The following DOT1L variants were observed in gnomAD, a reference collection of about 807,000 sequenced individuals.
The protein encoded by DOT1L is histone-lysine N-methyltransferase, H3 lysine-79 specific.
DOT1L carries 33 observed loss-of-function variants against 153.3 expected under a neutral mutation model. The ratio of observed to expected loss-of-function variants is 0.22; its 90% CI spans 0.16 to 0.29. The LOEUF is 0.29. DOT1L is among the 10% of genes least tolerant of loss of function. The probability of loss-of-function intolerance (pLI) is 1.00; values close to 1 mark genes in which losing one functional copy is unlikely to be tolerated. For synonymous variants in DOT1L, 1,135 were observed against 965.1 expected (o/e 1.18, Z -3.26); for missense variants, 1,847 against 2,119.9 (o/e 0.87, Z 2.53).
intron 27 of DOT1L, chr19:2,227,853 A>G (rs2024419879): frequency 1.6e-6 from 2 of 1,286,156 alleles, no homozygotes; most frequent in African/African-American, 3.1e-5. Context: ...GGCGGCGGCC[A>G]GCGCCTCGGC....
chr19:2,218,287 A>G (rs2144880476), intron 22 of DOT1L, among the ~76,000 whole-genome samples: 1 of 152,346 alleles, frequency 6.6e-6, no homozygotes, highest in South Asian at 2.1e-4. Context: ...GCATGCAGAG[A>G]ATCTCGTCTT....
At chr19:2,174,986 GTGTGTGTGTA>G (rs1373768436) in intron 1 of DOT1L, among the ~76,000 whole-genome samples, 72 of 101,378 alleles carry the variant, frequency 7.1e-4, no homozygotes, top group African/African-American at 2.4e-3. Flanking sequence ...GTGTGTGTGT[GTGTGTGTGTA>G]TATATATATT....
chr19:2,213,534 T>C lies in DOT1L; in HGVS notation c.1558-5T>C, dbSNP rs1325990993. 6.2e-7 allele frequency: 1 copy of C among 1,612,240 alleles called. No homozygotes were observed. ...CCTTAGTCACCTGCCCTGTTTGTCC[T>C]ACAGGAGAAGAACGCCCAGCTCCTG... On this transcript the variant is annotated splice_polypyrimidine_tract_variant and splice_region_variant and intron_variant, in intron 16 of 27. Coordinates refer to ENST00000398665, the MANE Select transcript of DOT1L (RefSeq NM_032482.3).
At chr19:2,214,143 G>A (rs1182542027) in intron 18 of DOT1L, 157 bp downstream of exon 18, 11 of 1,280,276 alleles carry the variant, frequency 8.6e-6, no homozygotes, top group South Asian at 1.5e-5. Flanking sequence ...TGTCGAGCGC[G>A]TCACAGCAGG....
Position 2,226,606 on chromosome 19 carries a change from C to G in DOT1L, c.4085C>G (p.Ser1362Trp), listed in dbSNP as rs767132660. The G allele has an allele frequency of 1.3e-5, 20 of 1,596,738 alleles. No homozygotes were observed. In the Admixed American group the frequency reaches 3.4e-4, roughly 27 times the overall value. Residue 1362 changes from serine to tryptophan, a missense_variant, in exon 27 of 28, where the codon TCG (serine) becomes TGG (tryptophan). This residue lies in a region of DOT1L where 934 missense variants were observed against 825.3 expected (regional missense o/e 1.13). Coordinates refer to ENST00000398665, the MANE Select transcript of DOT1L (RefSeq NM_032482.3). ...CCCTCGCAGCGCGGCAAGGAGGGCT[C>G]GGACGCCAACCCTTTCCTGAGCAAG... ...SFPSQRGKEG[S>W]DANPFLSKRQ...
chr19:2,225,155 G>A (rs1018325584), intron 25 of DOT1L, among the ~76,000 whole-genome samples: 61 of 152,294 alleles, frequency 4.0e-4, no homozygotes, highest in African/African-American at 1.4e-3. Flanking sequence ...TGTCCCAGCA[G>A]AGGCCCTGGA....
At chr19:2,171,192 T>C (rs1319243960) in intron 1 of DOT1L, among the ~76,000 whole-genome samples, 1 of 152,126 alleles carries the variant, frequency 6.6e-6, no homozygotes, top group Non-Finnish European at 1.5e-5. Context: ...TTTGATAAGC[T>C]TTGGGCCTCA....
At chr19:2,166,850 C>T (rs998748239) in intron 1 of DOT1L, among the ~76,000 whole-genome samples, 3 of 152,212 alleles carry the variant, frequency 2.0e-5, no homozygotes, top group African/African-American at 4.8e-5. Context: ...GAACCCCCAG[C>T]TTCCCTGCGG....
intron 25 of DOT1L, among the ~76,000 whole-genome samples, chr19:2,224,727 C>T (rs977990895): frequency 2.0e-5 from 3 of 152,210 alleles, no homozygotes; most frequent in Non-Finnish European, 4.4e-5. Context: ...CAGTGCCTCC[C>T]AGCGTGCGCC....
chr19:2,182,125 G>A (rs978337079), intron 2 of DOT1L, among the ~76,000 whole-genome samples: 5 of 152,162 alleles, frequency 3.3e-5, no homozygotes, highest in Admixed American at 2.0e-4. Flanking sequence ...TACTTTGGAG[G>A]CTGAGGCAGG....
rs2023545137 is a variant in DOT1L, at chr19:2,207,438, G to A, written c.857-136G>A. On this transcript the variant is annotated intron_variant, in intron 10 of 27. Transcript: ENST00000398665. The surrounding 1 kb of genome is among the most constrained non-coding windows in gnomAD (Gnocchi z 4.5). ...GGGCCGGCCTCTGTGGGCCACTGTG[G>A]CCTGACGCAGTGTGGGAGAAGAGGG... 3 of 708,176 alleles carry A rather than the reference G, an allele frequency of 4.2e-6. No individual in the cohort carries two copies. Among genetic ancestry groups the A allele is most frequent in the Non-Finnish European group, 6.9e-6 (3 of 435,184 alleles). The allele number at this position is 708,176 out of a possible 1,614,324, so 43.9% of individuals were successfully genotyped here. A position where few individuals can be genotyped will look rare whatever the true frequency, so the allele number is the denominator to read the frequency against.
intron 25 of DOT1L, among the ~76,000 whole-genome samples, chr19:2,223,971 C>T (rs1299483282): frequency 2.6e-5 from 4 of 152,154 alleles, no homozygotes; most frequent in African/African-American, 9.7e-5. Flanking sequence ...ACACTCACTC[C>T]CCTTCTCCTC....
At chr19:2,173,593 G>A (rs2021760860) in intron 1 of DOT1L, among the ~76,000 whole-genome samples, 1 of 152,194 alleles carries the variant, frequency 6.6e-6, no homozygotes. Flanking sequence ...ACACTCACTG[G>A]AGGCCAGCCG....
chr19:2,170,236 C>T (rs1170803293), intron 1 of DOT1L, among the ~76,000 whole-genome samples: 1 of 152,210 alleles, frequency 6.6e-6, no homozygotes, highest in African/African-American at 2.4e-5. Context: ...ATTCCAGGAA[C>T]AGGAAGATAG....
At chr19:2,187,986 G>A (rs965134869) in intron 3 of DOT1L, among the ~76,000 whole-genome samples, 9 of 151,208 alleles carry the variant, frequency 6.0e-5, no homozygotes, top group Non-Finnish European at 1.0e-4. Flanking sequence ...CTGGAGCTGC[G>A]GGGAAGGCGG....
rs577032301 is a variant in DOT1L, at chr19:2,204,185, G to C, written c.787+1406G>C. On this transcript the variant is annotated intron_variant, in intron 9 of 27. Transcript: ENST00000398665. The surrounding 1 kb of genome is among the most constrained non-coding windows in gnomAD (Gnocchi z 5.7). Reference sequence around the variant, plus strand: ...TGTGTGTCTGTTAGCGTGTCTCTGTGTGCGTGCCTGTGCGTGCCTGTGTCT... The same window carrying C: ...TGTGTGTCTGTTAGCGTGTCTCTGTCTGCGTGCCTGTGCGTGCCTGTGTCT... Among the ~76,000 whole-genome samples the C allele has an allele frequency of 6.6e-6, 1 of 151,690 alleles. No homozygotes were observed. Among genetic ancestry groups the C allele is most frequent in the African/African-American group, 2.4e-5 (1 of 41,284 alleles).
At chr19:2,172,336 C>G (rs1156624698) in intron 1 of DOT1L, among the ~76,000 whole-genome samples, 1 of 143,104 alleles carries the variant, frequency 7.0e-6, no homozygotes, top group Admixed American at 6.9e-5. Context: ...ACTACAGGCG[C>G]CCGCCGCCAC....
intron 2 of DOT1L, among the ~76,000 whole-genome samples, chr19:2,184,768 C>G (rs1160598695): frequency 6.6e-6 from 1 of 152,218 alleles, no homozygotes; most frequent in South Asian, 2.1e-4. Flanking sequence ...CTCAGATCTC[C>G]GTCCTTGTTC....
At chr19:2,229,191 G>C in intron 27 of DOT1L, 1 of 985,472 alleles carries the variant, frequency 1.0e-6, no homozygotes, top group Non-Finnish European at 1.2e-6. Flanking sequence ...GGAATGTCCT[G>C]TTCACTCCTC....
Sources: gnomAD v4.1 joint callset for allele counts (sites outside exome capture counted in the v4.1 genomes callset) on GRCh38, gnomAD v4.1.1 for gene constraint, gnomAD v4.1.1 regional missense constraint, Gnocchi (gnomAD v3.1) non-coding constraint, MANE v1.5 for transcripts, NCBI Gene and HGNC (gene_info 2026-07-23, HGNC 2026-07-21) for gene names.